Variants in SGCZ observed in about 807,000 individuals in gnomAD.
SGCZ encodes the protein sarcoglycan zeta.
A neutral mutation model predicts 41.3 loss-of-function variants in SGCZ; 40 were observed. That is an observed-to-expected ratio of 0.97 (90% CI 0.75 to 1.26). The LOEUF (loss-of-function observed/expected upper bound fraction) is 1.26, where lower values mean the gene tolerates loss of function less well. Ranked by LOEUF, SGCZ falls within the 50% of genes most tolerant of loss-of-function variation. SGCZ has a pLI of 0.00. For synonymous variants in SGCZ, 206 were observed against 137.5 expected, an observed-to-expected ratio of 1.50 and a Z score of -3.49; for missense variants, 552 against 369.8, an observed-to-expected ratio of 1.49 and a Z score of -4.04.
At chr8:14,960,583 A>C (rs1800932780) in intron 1 of SGCZ, among the ~76,000 whole-genome samples, 1 of 152,086 alleles carries the variant, frequency 6.6e-6, no homozygotes, top group Non-Finnish European at 1.5e-5. Flanking sequence ...CAGCTACAAT[A>C]GTCACTGTTC....
intron 1 of SGCZ, among the ~76,000 whole-genome samples, chr8:15,002,280 T>A (rs1196975143): frequency 1.3e-5 from 2 of 151,664 alleles, no homozygotes; most frequent in African/African-American, 2.4e-5. Context: ...AACTGAAAGA[T>A]AATTAATTTA....
At chr8:15,147,576 C>T (rs1005198618) in intron 1 of SGCZ, among the ~76,000 whole-genome samples, 2 of 152,206 alleles carry the variant, frequency 1.3e-5, no homozygotes, top group Non-Finnish European at 2.9e-5. Flanking sequence ...CCGTACCCGG[C>T]TGACACTTCC....
intron 2 of SGCZ, among the ~76,000 whole-genome samples, chr8:14,333,297 T>C (rs919472958): frequency 5.9e-5 from 9 of 152,186 alleles, no homozygotes; most frequent in Middle Eastern, 3.4e-3. Context: ...TGATGGTAAA[T>C]GGAGACAACT....
intron 6 of SGCZ, among the ~76,000 whole-genome samples, chr8:14,105,901 TA>T (rs536674155): frequency 1.1e-3 from 162 of 151,926 alleles, no homozygotes; most frequent in Non-Finnish European, 1.9e-3. Context: ...ACGTTAGAAA[TA>T]AAAAAAAGTT....
At chr8:15,112,805 T>G (rs1425488903) in intron 1 of SGCZ, among the ~76,000 whole-genome samples, 1 of 152,184 alleles carries the variant, frequency 6.6e-6, no homozygotes, top group African/African-American at 2.4e-5. Flanking sequence ...GCTATCCCAG[T>G]TGATGCTGTG....
At chr8:14,107,363 G>T (rs1346535951) in intron 6 of SGCZ, among the ~76,000 whole-genome samples, 1 of 152,034 alleles carries the variant, frequency 6.6e-6, no homozygotes, top group Non-Finnish European at 1.5e-5. Context: ...AATTTTCCTG[G>T]GTAGTGAGAG....
At chr8:14,317,973 A>G (rs1384839118) in intron 3 of SGCZ, among the ~76,000 whole-genome samples, 1 of 146,324 alleles carries the variant, frequency 6.8e-6, no homozygotes, top group African/African-American at 2.5e-5. Flanking sequence ...TACCAATTAG[A>G]AAAAAAAAAA....
intron 4 of SGCZ, among the ~76,000 whole-genome samples, chr8:14,229,620 T>A (rs897578758): frequency 6.7e-6 from 1 of 149,724 alleles, no homozygotes; most frequent in Admixed American, 6.8e-5. Context: ...CTTATTAAAT[T>A]ATCCCAGACT....
intron 1 of SGCZ, among the ~76,000 whole-genome samples, chr8:15,209,466 G>A (rs1165390008): frequency 1.6e-5 from 2 of 123,642 alleles, no homozygotes; most frequent in African/African-American, 3.2e-5. Context: ...TTACGTGTCA[G>A]CATAATAGTA....
rs577593937 is a variant in SGCZ at position 14,611,324 on chromosome 8, G to C, written c.40-56398C>G. On this transcript the variant is annotated intron_variant, in intron 1 of 7. Transcript: ENST00000382080. ...TCAAATGGAGAGAGTAAATGAATAT[G>C]TGGGTCTATGTGTGTGTGTGTGAAT... Among the ~76,000 whole-genome samples the C allele has an allele frequency of 1.2e-4, 7 of 59,898 alleles. No homozygotes were observed. The East Asian group carries it at 3.0e-3, about 26-fold the overall frequency. The allele number at this position is 59,898 out of a possible 152,430, so 39.3% of individuals were successfully genotyped here.
intron 1 of SGCZ, among the ~76,000 whole-genome samples, chr8:15,225,193 G>C (rs1179164139): frequency 1.3e-5 from 2 of 152,008 alleles, no homozygotes. Flanking sequence ...TGGCCCCTTA[G>C]CAATTTTCAA....
In SGCZ at chr8:15,150,211, C is replaced by T. The variant is rs76242980; in HGVS notation, c.39+87374G>A. 5.9e-3 allele frequency among the ~76,000 whole-genome samples: 898 copies of T among 150,952 alleles called. 23 individuals are homozygous for T. The East Asian group carries it at 0.075, about 13-fold the overall frequency. ...TTATCCATTACTTTATAAAACAGTG[C>T]GAATCAGAAATAAACATACCAATAT... is the stretch of plus-strand genomic sequence containing the variant. On this transcript the variant is annotated intron_variant, in intron 1 of 7. Transcript: ENST00000382080.
In SGCZ at chr8:14,686,771, T is replaced by A. The variant is rs79532953; in HGVS notation, c.40-131845A>T. Among the ~76,000 whole-genome samples, 398 of 152,204 alleles carry A rather than the reference T, an allele frequency of 2.6e-3. 3 individuals carry two copies. The highest frequency in any genetic ancestry group is 9.0e-3 in the African/African-American group (373 of 41,550). On this transcript the variant is annotated intron_variant, in intron 1 of 7. Coordinates refer to ENST00000382080, the MANE Select transcript of SGCZ (RefSeq NM_139167.4). ...TGCATGGTTTTGAATATGATAAATA[T>A]GTAATGATTGCAAAAAGAATATCAA... is the stretch of plus-strand genomic sequence containing the variant.
intron 2 of SGCZ, among the ~76,000 whole-genome samples, chr8:14,349,077 G>T (rs912286719): frequency 2.0e-5 from 3 of 152,040 alleles, no homozygotes; most frequent in African/African-American, 7.2e-5. Context: ...AGACAACATT[G>T]TAAATTGTGG....
intron 1 of SGCZ, among the ~76,000 whole-genome samples, chr8:14,675,725 C>T (rs923307360): frequency 2.6e-5 from 4 of 152,060 alleles, no homozygotes; most frequent in Non-Finnish European, 5.9e-5. Context: ...CCTGGAACTC[C>T]CAACAAAATA....
intron 3 of SGCZ, among the ~76,000 whole-genome samples, chr8:14,267,659 G>T (rs1227532670): frequency 6.6e-6 from 1 of 152,016 alleles, no homozygotes; most frequent in Non-Finnish European, 1.5e-5. Context: ...TTTGATGATT[G>T]ATGAGCAGCA....
At chr8:14,451,618 A>G (rs1800595577) in intron 2 of SGCZ, among the ~76,000 whole-genome samples, 1 of 152,218 alleles carries the variant, frequency 6.6e-6, no homozygotes, top group Non-Finnish European at 1.5e-5. Context: ...TATTCAAAAT[A>G]TACGACAAAC....
chr8:14,464,157 T>C (rs1800980989), intron 2 of SGCZ, among the ~76,000 whole-genome samples: 1 of 151,698 alleles, frequency 6.6e-6, no homozygotes, highest in Non-Finnish European at 1.5e-5. Flanking sequence ...GTTTCCCTCC[T>C]CTTCGACATT....
chr8:15,191,653 T>C (rs749234279), intron 1 of SGCZ, among the ~76,000 whole-genome samples: 5 of 152,104 alleles, frequency 3.3e-5, no homozygotes, highest in South Asian at 2.1e-4. Flanking sequence ...CAATAAGGAA[T>C]ATAAAAATAA....
Sources: allele counts gnomAD v4.1 joint callset (sites outside exome capture counted in the v4.1 genomes callset), GRCh38; gene constraint gnomAD v4.1.1; transcripts MANE v1.5; gene names NCBI Gene and HGNC (gene_info 2026-07-23, HGNC 2026-07-21).